ITSN1: variants seen among roughly 807,000 people sequenced by gnomAD.
ITSN1 encodes intersectin 1, also known as intersectin-1.
A neutral mutation model predicts 239.8 loss-of-function variants in ITSN1; 58 were observed. The ratio of observed to expected loss-of-function variants is 0.24; its 90% confidence interval spans 0.20 to 0.30. ITSN1 has a LOEUF of 0.30. Ranked by LOEUF, ITSN1 falls within the 10% of genes least tolerant of loss-of-function variation. The pLI, the probability that ITSN1 is intolerant of heterozygous loss-of-function variation, is 1.00. For missense variants in ITSN1, 1,558 were observed against 2,103.3 expected (o/e 0.74, Z 5.07); for synonymous variants, 780 against 770.8 (o/e 1.01, Z -0.20).
intron 29 of ITSN1, among the ~76,000 whole-genome samples, chr21:33,848,222 A>G (rs950473235): frequency 8.5e-5 from 13 of 152,236 alleles, no homozygotes; most frequent in African/African-American, 1.2e-4. Flanking sequence ...TAAAGAGGTG[A>G]TGAAGTGAAC....
intron 5 of ITSN1, among the ~76,000 whole-genome samples, chr21:33,746,642 A>G (rs1464425141): frequency 6.6e-6 from 1 of 152,146 alleles, no homozygotes; most frequent in African/African-American, 2.4e-5. Flanking sequence ...AGAGTTCGAG[A>G]CCCACCTGGC....
Position 33,797,325 on chromosome 21 carries a change from G to A in ITSN1, c.1953-54G>A. On this transcript the variant is annotated intron_variant, in intron 17 of 39. Coordinates refer to ENST00000381318, the MANE Select transcript of ITSN1 (RefSeq NM_003024.3). The surrounding 1 kb of genome is among the most constrained non-coding windows in gnomAD (Gnocchi z 4.9). ...GCTTTTTTTGTGAAAAGAGGCAACA[G>A]TAGTGTTAACTTAGAGTTGCTTTCT... The A allele has an allele frequency of 6.8e-7, 1 of 1,472,254 alleles. No individual in the cohort carries two copies. The highest frequency in any genetic ancestry group is 1.7e-5 in the Admixed American group (1 of 59,090). The allele number at this position is 1,472,254 out of a possible 1,614,324, so 91.2% of individuals were successfully genotyped here. A position where few individuals can be genotyped will look rare whatever the true frequency, so the allele number is the denominator to read the frequency against.
At chr21:33,764,201 T>C (rs1052717533) in intron 9 of ITSN1, among the ~76,000 whole-genome samples, 1 of 152,222 alleles carries the variant, frequency 6.6e-6, no homozygotes, top group African/African-American at 2.4e-5. Context: ...TTATAACTTA[T>C]CCTATTTGAG....
At chr21:33,731,692 A>G (rs1053375440) in intron 4 of ITSN1, among the ~76,000 whole-genome samples, 2 of 152,244 alleles carry the variant, frequency 1.3e-5, no homozygotes, top group Non-Finnish European at 2.9e-5. Flanking sequence ...TTCAGCAGAT[A>G]AAAGGAAGAA....
intron 12 of ITSN1, among the ~76,000 whole-genome samples, chr21:33,773,444 C>T (rs1337476569): frequency 6.6e-6 from 1 of 152,128 alleles, no homozygotes; most frequent in African/African-American, 2.4e-5. Flanking sequence ...AATTTTAGTA[C>T]ATTACTGCAG....
At chr21:33,776,309 T>C (rs188803049) in intron 14 of ITSN1, among the ~76,000 whole-genome samples, 17 of 151,414 alleles carry the variant, frequency 1.1e-4, no homozygotes, top group Non-Finnish European at 1.8e-4. Flanking sequence ...CCCAATACTT[T>C]GAGAGGGCAA....
At chr21:33,762,556 TGCCCA>T (rs2068420756) in intron 9 of ITSN1, among the ~76,000 whole-genome samples, 1 of 152,124 alleles carries the variant, frequency 6.6e-6, no homozygotes, top group Non-Finnish European at 1.5e-5. Context: ...TGAGCCACCA[TGCCCA>T]GCCTCTTTGA....
intron 27 of ITSN1, 65 bp from the exon 28 acceptor site, chr21:33,834,242 T>C (rs1478102958): frequency 8.6e-6 from 10 of 1,160,564 alleles, no homozygotes; most frequent in Admixed American, 1.7e-5. Flanking sequence ...TGCTCTGTTA[T>C]AAAGTGAGCT....
chr21:33,749,738 G>A (rs572874389), intron 5 of ITSN1, among the ~76,000 whole-genome samples: 1 of 152,092 alleles, frequency 6.6e-6, no homozygotes, highest in Non-Finnish European at 1.5e-5. Context: ...CATAGGAAAG[G>A]CAGGTTGCAG....
chr21:33,835,885 C>G (rs902474051), intron 28 of ITSN1, among the ~76,000 whole-genome samples: 4 of 152,178 alleles, frequency 2.6e-5, no homozygotes, highest in African/African-American at 4.8e-5. Flanking sequence ...GAGCTGAGAT[C>G]GTGCCACTGC....
rs2071615291 is a variant in ITSN1 at position 33,797,018 on chromosome 21, G to C, written c.1953-361G>C. On this transcript the variant is annotated intron_variant, in intron 17 of 39. Transcript: ENST00000381318. This position sits in a 1 kb window ranked among gnomAD's most constrained non-coding sequence, Gnocchi z 4.9. Reference sequence around the variant, plus strand: ...TGCATGTAAATGTGTTGTTCCCTTTGCTGGGGGGAAATTTTTACAGTGTTG... The same window carrying C: ...TGCATGTAAATGTGTTGTTCCCTTTCCTGGGGGGAAATTTTTACAGTGTTG... Among the ~76,000 whole-genome samples the C allele has an allele frequency of 6.6e-6, 1 of 151,808 alleles. No individual in the cohort carries two copies. Among genetic ancestry groups the C allele is most frequent in the Non-Finnish European group, 1.5e-5 (1 of 68,016 alleles).
intron 22 of ITSN1, 35 bp downstream of exon 22, chr21:33,814,107 A>T: frequency 6.2e-7 from 1 of 1,604,420 alleles, no homozygotes; most frequent in Non-Finnish European, 8.5e-7. Context: ...AAGACTTAGC[A>T]TGCTATCTAG....
Position 33,797,317 on chromosome 21 carries a change from A to G in ITSN1, c.1953-62A>G, listed in dbSNP as rs2071637515. On this transcript the variant is annotated intron_variant, in intron 17 of 39. Coordinates refer to ENST00000381318, the MANE Select transcript of ITSN1 (RefSeq NM_003024.3). This position sits in a 1 kb window ranked among gnomAD's most constrained non-coding sequence, Gnocchi z 4.9. ...TGGATGGAGCTTTTTTTGTGAAAAG[A>G]GGCAACAGTAGTGTTAACTTAGAGT... 7.1e-7 allele frequency: 1 copy of G among 1,405,860 alleles called. No homozygotes were observed. Among genetic ancestry groups the G allele is most frequent in the Admixed American group, 1.8e-5 (1 of 54,332 alleles). The allele number at this position is 1,405,860 out of a possible 1,614,324, so 87.1% of individuals were successfully genotyped here.
intron 38 of ITSN1, among the ~76,000 whole-genome samples, chr21:33,885,815 A>G (rs746926717): frequency 2.6e-5 from 4 of 152,172 alleles, no homozygotes; most frequent in Non-Finnish European, 4.4e-5. Context: ...AGCCCACTCA[A>G]TTAAGTATTT....
chr21:33,797,680 A>G lies in ITSN1; in HGVS notation c.2182+72A>G, dbSNP rs2148045972. 8 of 1,175,972 alleles carry G rather than the reference A, an allele frequency of 6.8e-6. No homozygotes were observed. Among genetic ancestry groups the G allele is most frequent in the South Asian group, 2.7e-5 (2 of 73,946 alleles). 72.8% of individuals were successfully genotyped at this position (1,175,972 alleles called of 1,614,324 possible). A position where few individuals can be genotyped will look rare whatever the true frequency, so the allele number is the denominator to read the frequency against. ...CCAGAGCCTCCTGAAAAATGCCCCT[A>G]TCTCATCAGTACCTGTCTTGGCTAC... is the stretch of plus-strand genomic sequence containing the variant. On this transcript the variant is annotated intron_variant, in intron 18 of 39. Coordinates refer to ENST00000381318, the MANE Select transcript of ITSN1 (RefSeq NM_003024.3). The surrounding 1 kb of genome is among the most constrained non-coding windows in gnomAD (Gnocchi z 4.9).
intron 36 of ITSN1, 26 bp from the exon 37 acceptor site, chr21:33,885,015 C>T (rs1290630310): frequency 6.3e-7 from 1 of 1,596,372 alleles, no homozygotes; most frequent in Non-Finnish European, 8.6e-7. Context: ...TTCTGTTTGG[C>T]AACTTTCTGT....
chr21:33,685,140 A>G lies in ITSN1; in HGVS notation c.-32-33657A>G, dbSNP rs565045100. On this transcript the variant is annotated intron_variant, in intron 1 of 39. Transcript: ENST00000381318. ...AAGCAAGTTGCGTTTCATAGTGACA[A>G]TAGAAACCATTTACTCTTGGCACAG... Among the ~76,000 whole-genome samples the G allele has an allele frequency of 7.2e-5, 11 of 152,352 alleles. No homozygotes were observed. In the South Asian group the frequency reaches 1.2e-3, roughly 17 times the overall value.
chr21:33,835,415 G>A (rs79457110), intron 28 of ITSN1, among the ~76,000 whole-genome samples: 4,433 of 152,210 alleles, frequency 0.029, 77 homozygotes, highest in Non-Finnish European at 0.041. Flanking sequence ...AATTTAAAAA[G>A]CCTAAACCTA....
intron 9 of ITSN1, among the ~76,000 whole-genome samples, chr21:33,762,656 T>A (rs1602081107): frequency 6.6e-6 from 1 of 152,146 alleles, no homozygotes. Context: ...GATTTTCCTT[T>A]TTTTCATTCA....
Sources: gnomAD v4.1 joint callset for allele counts (sites outside exome capture counted in the v4.1 genomes callset) on GRCh38, gnomAD v4.1.1 for gene constraint, Gnocchi (gnomAD v3.1) non-coding constraint, MANE v1.5 for transcripts, NCBI Gene and HGNC (gene_info 2026-07-23, HGNC 2026-07-21) for gene names.